TMEM163: variants seen among roughly 807,000 people sequenced by gnomAD.
The protein encoded by TMEM163 is transmembrane protein 163.
In TMEM163, 17 loss-of-function variants were observed where a neutral mutation model predicts 29.3. The ratio of observed to expected loss-of-function variants is 0.58; its 90% CI spans 0.40 to 0.87. The LOEUF is 0.87. Ranked by LOEUF, TMEM163 falls within the 40% of genes least tolerant of loss-of-function variation. The pLI is 0.00. For synonymous variants in TMEM163, 157 were observed against 160.6 expected (o/e 0.98, Z 0.17); for missense variants, 303 against 381.5 (o/e 0.79, Z 1.71).
chr2:134,556,420 C>T (rs996632705), intron 2 of TMEM163, among the ~76,000 whole-genome samples: 1 of 152,168 alleles, frequency 6.6e-6, no homozygotes, highest in Non-Finnish European at 1.5e-5. Context: ...TGATTTATAA[C>T]AGCAAAACAT....
In TMEM163 at chr2:134,456,836, A is replaced by G. The variant is rs1213937644; in HGVS notation, c.810-60T>C. Reference sequence around the variant, plus strand: ...GGCATGGGGCTGAAGAGCTTGGGGAAGCGTATTTTCATTTTTTTTTTCCTG... The same window carrying G: ...GGCATGGGGCTGAAGAGCTTGGGGAGGCGTATTTTCATTTTTTTTTTCCTG... On this transcript the variant is annotated intron_variant, in intron 7 of 7. Transcript: ENST00000281924. The G allele has an allele frequency of 3.9e-6, 6 of 1,549,030 alleles. No homozygotes were observed. The East Asian group carries it at 1.4e-4, about 36-fold the overall frequency.
chr2:134,671,745 C>A (rs1241636796), intron 2 of TMEM163, among the ~76,000 whole-genome samples: 2 of 152,208 alleles, frequency 1.3e-5, no homozygotes, highest in African/African-American at 2.4e-5. Flanking sequence ...ACAGCCCCAC[C>A]CCTGAGGGGC....
intron 1 of TMEM163, among the ~76,000 whole-genome samples, chr2:134,718,293 G>C (rs1685081270): frequency 6.6e-6 from 1 of 152,204 alleles, no homozygotes. Context: ...CCCGCAGAGG[G>C]AAGTTCTCCC....
At chr2:134,549,860 T>TTG (rs59083525) in intron 4 of TMEM163, among the ~76,000 whole-genome samples, 10,262 of 150,122 alleles carry the variant, frequency 0.068, 727 homozygotes, top group African/African-American at 0.18. Context: ...GTGTGTGTGT[T>TTG]TGTGTGTGTG....
chr2:134,685,003 G>A (rs1684324694), intron 2 of TMEM163, among the ~76,000 whole-genome samples: 1 of 151,140 alleles, frequency 6.6e-6, no homozygotes, highest in East Asian at 1.9e-4. Flanking sequence ...CTCCAAGAAC[G>A]TCCATCCTCT....
chr2:134,673,589 T>C (rs1684040734), intron 2 of TMEM163, among the ~76,000 whole-genome samples: 1 of 152,168 alleles, frequency 6.6e-6, no homozygotes, highest in Admixed American at 6.5e-5. Flanking sequence ...GCCCATATTT[T>C]CCAGGTGGAC....
chr2:134,678,163 C>T (rs1370407193), intron 2 of TMEM163, among the ~76,000 whole-genome samples: 1 of 152,208 alleles, frequency 6.6e-6, no homozygotes. Context: ...GTTTTTATCA[C>T]ATCTGCTCCA....
At chr2:134,705,207 C>T (rs1684783967) in intron 2 of TMEM163, among the ~76,000 whole-genome samples, 1 of 145,860 alleles carries the variant, frequency 6.9e-6, no homozygotes, top group Non-Finnish European at 1.5e-5. Flanking sequence ...AAGACTCCAT[C>T]TCAAAAAAAA....
At chr2:134,563,206 T>C (rs1173125365) in intron 2 of TMEM163, among the ~76,000 whole-genome samples, 2 of 152,240 alleles carry the variant, frequency 1.3e-5, no homozygotes, top group Admixed American at 1.3e-4. Flanking sequence ...AAGGCTCCAC[T>C]GCCAGCCAGG....
chr2:134,710,038 C>T (rs1291953847), intron 2 of TMEM163, among the ~76,000 whole-genome samples: 3 of 152,164 alleles, frequency 2.0e-5, no homozygotes, highest in Non-Finnish European at 2.9e-5. Flanking sequence ...CATCCACTTC[C>T]AGTTGTCCCA....
At chr2:134,641,061 A>C (rs1683211159) in intron 2 of TMEM163, among the ~76,000 whole-genome samples, 1 of 152,256 alleles carries the variant, frequency 6.6e-6, no homozygotes, top group African/African-American at 2.4e-5. Flanking sequence ...GTTGGAAATA[A>C]TACATAGCTA....
intron 2 of TMEM163, among the ~76,000 whole-genome samples, chr2:134,676,974 C>T (rs1434083126): frequency 1.3e-5 from 2 of 152,122 alleles, no homozygotes; most frequent in African/African-American, 2.4e-5. Context: ...TGTACTGATG[C>T]TTTCTGTCAG....
chr2:134,655,868 G>C (rs1203661319), intron 2 of TMEM163, among the ~76,000 whole-genome samples: 4 of 141,510 alleles, frequency 2.8e-5, no homozygotes, highest in South Asian at 2.3e-4. Flanking sequence ...TCGGGGGTCA[G>C]GGGTCAGGGA....
At chr2:134,467,615 C>T (rs1327603366) in intron 5 of TMEM163, 1 of 152,076 alleles carries the variant, frequency 6.6e-6, no homozygotes, top group African/African-American at 2.4e-5. Context: ...GAGGAACGAC[C>T]GAGAGACTGT....
At chr2:134,557,442 C>T (rs1681070805) in intron 2 of TMEM163, among the ~76,000 whole-genome samples, 4 of 152,208 alleles carry the variant, frequency 2.6e-5, no homozygotes, top group East Asian at 1.9e-4. Context: ...AGGTCCTGAC[C>T]GCATGTGCCC....
intron 4 of TMEM163, among the ~76,000 whole-genome samples, chr2:134,541,948 C>T (rs181553385): frequency 2.8e-4 from 42 of 152,320 alleles, no homozygotes; most frequent in African/African-American, 8.4e-4. Context: ...CCTTGCCCCA[C>T]GCCTTTCTTA....
chr2:134,593,503 C>T (rs1052038640), intron 2 of TMEM163, among the ~76,000 whole-genome samples: 7 of 152,130 alleles, frequency 4.6e-5, no homozygotes, highest in African/African-American at 1.4e-4. Context: ...GCACATGCCC[C>T]GCTGCTGTCT....
chr2:134,638,666 C>A (rs1049818547), intron 2 of TMEM163, among the ~76,000 whole-genome samples: 6 of 152,074 alleles, frequency 3.9e-5, no homozygotes, highest in Admixed American at 2.0e-4. Flanking sequence ...ATTGTTAGTG[C>A]CTGATGGTAT....
chr2:134,685,010 C>T (rs977277637), intron 2 of TMEM163, among the ~76,000 whole-genome samples: 30 of 152,066 alleles, frequency 2.0e-4, no homozygotes, highest in African/African-American at 6.5e-4. Context: ...AACGTCCATC[C>T]TCTCCCACCT....
Sources: gnomAD v4.1 joint callset for allele counts (sites outside exome capture counted in the v4.1 genomes callset) on GRCh38, gnomAD v4.1.1 for gene constraint, MANE v1.5 for transcripts, NCBI Gene and HGNC (gene_info 2026-07-23, HGNC 2026-07-21) for gene names.